Variants in ATP2B2 observed in about 807,000 individuals in gnomAD.
ATP2B2 encodes the protein ATPase plasma membrane Ca2+ transporting 2, also known as plasma membrane calcium-transporting ATPase 2.
A neutral mutation model predicts 120.0 loss-of-function variants in ATP2B2; 15 were observed. The ratio of observed to expected loss-of-function variants is 0.12; its 90% CI spans 0.08 to 0.19. The LOEUF (loss-of-function observed/expected upper bound fraction) is 0.19. ATP2B2 is among the 10% of genes least tolerant of loss of function. The pLI is 1.00. For missense variants in ATP2B2, 1,045 were observed against 1,719.8 expected (o/e 0.61, Z 6.94); for synonymous variants, 694 against 700.3 (o/e 0.99, Z 0.14).
At chr3:10,615,819 CT>C (rs2069370600) in intron 2 of ATP2B2, among the ~76,000 whole-genome samples, 1 of 152,216 alleles carries the variant, frequency 6.6e-6, no homozygotes, top group Admixed American at 6.5e-5. Context: ...TAACTCACTT[CT>C]TCTCACTTCA....
chr3:10,678,634 G>T (rs1232259221), intron 1 of ATP2B2, among the ~76,000 whole-genome samples: 2 of 152,172 alleles, frequency 1.3e-5, no homozygotes, highest in Non-Finnish European at 2.9e-5. Context: ...CTGGAAGCAG[G>T]GAGAGAGCTT....
At chr3:10,674,436 A>T (rs1480698774) in intron 1 of ATP2B2, among the ~76,000 whole-genome samples, 4 of 152,214 alleles carry the variant, frequency 2.6e-5, no homozygotes, top group Non-Finnish European at 5.9e-5. Flanking sequence ...TTGGATTCTT[A>T]CTACTTGTAA....
At chr3:10,505,767 G>A (rs1225735251), upstream of ATP2B2, 1 of 143,176 alleles carries the variant, frequency 7.0e-6, no homozygotes, top group Non-Finnish European at 1.5e-5. Context: ...GGCCGGTTCT[G>A]GAGGGGGCAC....
intron 10 of ATP2B2, 39 bp downstream of exon 10, chr3:10,378,211 CCT>C (rs771915711): frequency 6.3e-7 from 1 of 1,594,650 alleles, no homozygotes; most frequent in Non-Finnish European, 8.5e-7. Context: ...CTGGGGTCCC[CCT>C]GTGAGCCCTG....
intron 2 of ATP2B2, among the ~76,000 whole-genome samples, chr3:10,614,396 G>C (rs1411674382): frequency 1.3e-5 from 2 of 152,058 alleles, no homozygotes; most frequent in African/African-American, 4.8e-5. Context: ...GATGTGGCAG[G>C]AATCGCTGTA....
chr3:10,501,189 T>C (rs1246742259), intron 1 of ATP2B2, among the ~76,000 whole-genome samples: 1 of 152,170 alleles, frequency 6.6e-6, no homozygotes, highest in Non-Finnish European at 1.5e-5. Flanking sequence ...TGGAACTCTC[T>C]GACCCTGCAG....
At position 10,410,480 on chromosome 3, in the gene ATP2B2, T is replaced by C. The variant is rs759591910; in HGVS notation, c.397+138A>G. The C allele has an allele frequency of 2.5e-4, 276 of 1,121,316 alleles. 1 individual carries two copies. The highest frequency in any genetic ancestry group is 3.1e-4 in the Non-Finnish European group (242 of 787,344). 69.5% of individuals were successfully genotyped at this position (1,121,316 alleles called of 1,614,324 possible). A position where few individuals can be genotyped will look rare whatever the true frequency, so the allele number is the denominator to read the frequency against. ...GGCCACCCTTTGGCTGTGTTGGCTATGGGTGGGGCCCTGCCCCTTGGACCT... is the reference window on the plus strand; with the variant it reads ...GGCCACCCTTTGGCTGTGTTGGCTACGGGTGGGGCCCTGCCCCTTGGACCT... On this transcript the variant is annotated intron_variant, in intron 3 of 22. Transcript: ENST00000360273.
chr3:10,595,035 G>C (rs1262224289), intron 2 of ATP2B2, among the ~76,000 whole-genome samples: 1 of 152,208 alleles, frequency 6.6e-6, no homozygotes, highest in African/African-American at 2.4e-5. Flanking sequence ...CCAATTCAAA[G>C]TTAACTGCAA....
intron 2 of ATP2B2, among the ~76,000 whole-genome samples, chr3:10,579,427 C>G (rs1476494911): frequency 6.6e-6 from 1 of 152,184 alleles, no homozygotes; most frequent in South Asian, 2.1e-4. Flanking sequence ...AATCCCAGCA[C>G]TTTGGGAGGC....
chr3:10,590,474 G>A (rs921876502), intron 2 of ATP2B2, among the ~76,000 whole-genome samples: 5 of 152,122 alleles, frequency 3.3e-5, no homozygotes, highest in African/African-American at 7.2e-5. Context: ...CTTCAGCCTC[G>A]CTGAAGGCTC....
intron 16 of ATP2B2, among the ~76,000 whole-genome samples, chr3:10,348,099 T>G (rs1290687694): frequency 6.6e-6 from 1 of 152,074 alleles, no homozygotes; most frequent in African/African-American, 2.4e-5. Flanking sequence ...CCCACCCACA[T>G]GTGCCACCCA....
chr3:10,510,348 G>A (rs112049428), upstream of ATP2B2, among the ~76,000 whole-genome samples: 13 of 152,360 alleles, frequency 8.5e-5, 1 homozygote, highest in African/African-American at 3.1e-4. Context: ...TACCGATGAG[G>A]AAACTGAGGT....
intron 2 of ATP2B2, among the ~76,000 whole-genome samples, chr3:10,412,168 G>A (rs1320545288): frequency 6.6e-6 from 1 of 152,200 alleles, no homozygotes; most frequent in Admixed American, 6.5e-5. Context: ...GCCCTTCCCT[G>A]CTCTGGCACT....
intron 1 of ATP2B2, among the ~76,000 whole-genome samples, chr3:10,696,669 T>A (rs2071746360): frequency 6.6e-6 from 1 of 152,142 alleles, no homozygotes; most frequent in South Asian, 2.1e-4. Flanking sequence ...TCTGATCCCT[T>A]TAGTCATTGC....
In ATP2B2 at chr3:10,691,261, C is replaced by T. The variant is rs962042318; in HGVS notation, c.-460+16654G>A. Among the ~76,000 whole-genome samples the T allele has an allele frequency of 2.4e-4, 36 of 152,228 alleles. 1 individual carries two copies. The highest frequency in any genetic ancestry group is 1.2e-3 in the East Asian group (6 of 5,180). On this transcript the variant is annotated intron_variant, in intron 1 of 21. Coordinates refer to the ATP2B2 transcript ENST00000646379. Reference sequence around the variant, plus strand: ...TCTACATCTCTTGTTCATACAGTAGCGATCATAAAATAACCGTACAATGGA... The same window carrying T: ...TCTACATCTCTTGTTCATACAGTAGTGATCATAAAATAACCGTACAATGGA...
intron 1 of ATP2B2, among the ~76,000 whole-genome samples, chr3:10,627,675 G>C (rs531722312): frequency 2.0e-4 from 30 of 152,214 alleles, no homozygotes; most frequent in Non-Finnish European, 2.5e-4. Context: ...CGCAAGGGAA[G>C]AGCCTGGATC....
intron 1 of ATP2B2, among the ~76,000 whole-genome samples, chr3:10,649,028 C>T (rs2070387486): frequency 6.6e-6 from 1 of 152,218 alleles, no homozygotes; most frequent in Non-Finnish European, 1.5e-5. Flanking sequence ...AGAGTATAGA[C>T]CTGCACCTCC....
intron 1 of ATP2B2, among the ~76,000 whole-genome samples, chr3:10,640,119 G>A (rs73811981): frequency 6.6e-6 from 1 of 152,336 alleles, no homozygotes; most frequent in African/African-American, 2.4e-5. Context: ...ACTGGGTGAT[G>A]TTGTTATTCC....
intron 2 of ATP2B2, among the ~76,000 whole-genome samples, chr3:10,445,844 G>A (rs2063819405): frequency 6.6e-6 from 1 of 152,194 alleles, no homozygotes; most frequent in Non-Finnish European, 1.5e-5. Flanking sequence ...AGCTGGCACA[G>A]CCCAGACCAC....
Sources: gnomAD v4.1 joint callset for allele counts (sites outside exome capture counted in the v4.1 genomes callset) on GRCh38, gnomAD v4.1.1 for gene constraint, MANE v1.5 for transcripts, NCBI Gene and HGNC (gene_info 2026-07-23, HGNC 2026-07-21) for gene names.